ILDR2: variants seen among roughly 807,000 people sequenced by gnomAD.
The protein encoded by ILDR2 is immunoglobulin like domain containing receptor 2.
ILDR2 carries 25 observed loss-of-function variants against 66.8 expected under a neutral mutation model. That is an observed-to-expected ratio of 0.37 (90% CI 0.27 to 0.52). The LOEUF is 0.52. Among genes scored for constraint, ILDR2 ranks in the 20% least tolerant of loss-of-function variants. The pLI is 0.88. For synonymous variants in ILDR2, 367 were observed against 357.2 expected (o/e 1.03, Z -0.31); for missense variants, 827 against 876.8 (o/e 0.94, Z 0.72).
chr1:166,920,927 C>A lies in ILDR2; in HGVS notation c.1664G>T (p.Ser555Ile). 1.4e-6 allele frequency: 2 copies of A among 1,479,938 alleles called. No homozygotes were observed. Among genetic ancestry groups the A allele is most frequent in the Non-Finnish European group, 1.8e-6 (2 of 1,123,024 alleles). 91.7% of individuals were successfully genotyped at this position (1,479,938 alleles called of 1,614,324 possible). Residue 555 changes from serine to isoleucine, a missense_variant, in exon 9 of 10, where the codon AGC becomes ATC. By Grantham distance (142) the Ser-to-Ile change is moderately radical (BLOSUM62 -2). Transcript: ENST00000271417. ...GGCGCTGCGCGGGCCGAGCTGCGCG[C>A]TCCGCTTGGATGGCGTCTCCAGGCT... is the stretch of plus-strand genomic sequence containing the variant. ...GGSLETPSKR[S>I]AQLGPRSASY... is the part of the protein sequence containing the mutation.
chr1:166,901,824 A>G (rs1409486306), intron 2 of ILDR2, among the ~76,000 whole-genome samples: 1 of 152,182 alleles, frequency 6.6e-6, no homozygotes, highest in Non-Finnish European at 1.5e-5. Context: ...CATTCACATT[A>G]CCTCATCCAT....
intron 6 of ILDR2, among the ~76,000 whole-genome samples, chr1:166,930,593 C>T (rs914519819): frequency 1.3e-5 from 2 of 152,192 alleles, no homozygotes; most frequent in Admixed American, 1.3e-4. Context: ...GAATCTGGCT[C>T]TATGTCACAT....
At chr1:166,903,673 G>C (rs1241224512), downstream of ILDR2, among the ~76,000 whole-genome samples, 1 of 152,138 alleles carries the variant, frequency 6.6e-6, no homozygotes, top group Admixed American at 6.5e-5. Flanking sequence ...AAATGATCTA[G>C]GTGATGTTGG....
rs1022454382 is a variant in ILDR2, at chr1:166,918,059, G to A, written c.*1296C>T. The A allele has an allele frequency of 6.6e-6, 1 of 152,196 alleles. No individual in the cohort carries two copies. The highest frequency in any genetic ancestry group is 2.4e-5 in the African/African-American group (1 of 41,446). The allele number at this position is 152,196 out of a possible 1,614,324, so 9.4% of individuals were successfully genotyped here. A position where few individuals can be genotyped will look rare whatever the true frequency, so the allele number is the denominator to read the frequency against. On this transcript the variant is annotated 3_prime_UTR_variant, in exon 10 of 10. Coordinates refer to ENST00000271417, the MANE Select transcript of ILDR2 (RefSeq NM_199351.3). ...GGTTGGAAAAAAGATGGCACCTCTT[G>A]ATGAGAAGGAAAGAGTTCGTGGCCA...
downstream of ILDR2, among the ~76,000 whole-genome samples, chr1:166,905,371 T>A (rs527501980): frequency 6.6e-6 from 1 of 152,326 alleles, no homozygotes; most frequent in Admixed American, 6.5e-5. Context: ...TGTTCAGCAT[T>A]TGGTATGCAC....
intron 2 of ILDR2, among the ~76,000 whole-genome samples, chr1:166,901,180 T>C (rs935672660): frequency 2.0e-5 from 3 of 152,224 alleles, no homozygotes; most frequent in African/African-American, 7.2e-5. Flanking sequence ...CACAAACTAA[T>C]TGAGCATGCC....
chr1:166,959,838 GA>G (rs1662506418), intron 1 of ILDR2, among the ~76,000 whole-genome samples: 1 of 152,110 alleles, frequency 6.6e-6, no homozygotes, highest in African/African-American at 2.4e-5. Context: ...ATGAGAGGCA[GA>G]AAAAACGAAT....
chr1:166,898,860 G>GT (rs1659214312), intron 2 of ILDR2, among the ~76,000 whole-genome samples: 1 of 150,636 alleles, frequency 6.6e-6, no homozygotes, highest in African/African-American at 2.4e-5. Flanking sequence ...GGAGCTCAAA[G>GT]ACCAGCCTGA....
chr1:166,935,324 T>A lies in ILDR2; in HGVS notation c.857A>T (p.Asp286Val). ...ACCACTGTGGCTTCCTCCAGTGGAG[T>A]CACTTGGTGCCAAGGGAGGTGGATG... ...KPHPPPLAPS[D>V]STGGSHSVRK... Residue 286 changes from aspartate to valine, a missense_variant, in exon 6 of 10, where the codon GAC (aspartate) becomes GTC (valine). Physicochemically the swap from Asp to Val is radical, Grantham distance 152 (BLOSUM62 -3). This residue lies in a region of ILDR2 where 437 missense variants were observed against 523.2 expected (regional missense o/e 0.84). Transcript: ENST00000271417. The A allele has an allele frequency of 1.2e-6, 2 of 1,613,374 alleles. No individual in the cohort carries two copies. Among genetic ancestry groups the A allele is most frequent in the African/African-American group, 1.3e-5 (1 of 74,712 alleles).
rs1441002007 is a variant in ILDR2 at position 166,914,301 on chromosome 1, C to T, written c.*5054G>A. ...GCATCAAGTCTACGGCTCTTCTCAC[C>T]AGATGTCTGGCTGTGAAGAGAAACT... On this transcript the variant is annotated 3_prime_UTR_variant, in exon 10 of 10. Coordinates refer to ENST00000271417, the MANE Select transcript of ILDR2 (RefSeq NM_199351.3). 6.6e-6 allele frequency: 1 copy of T among 152,170 alleles called. No homozygotes were observed. Among genetic ancestry groups the T allele is most frequent in the East Asian group, 1.9e-4 (1 of 5,198 alleles). 9.4% of individuals were successfully genotyped at this position (152,170 alleles called of 1,614,324 possible).
In ILDR2 at chr1:166,921,022, T is replaced by A. The variant is rs746549036; in HGVS notation, c.1569A>T (p.Lys523Asn). Residue 523 changes from lysine (K) to asparagine (N), a missense_variant, in exon 9 of 10, where the codon AAA (lysine) becomes AAT (asparagine). This residue lies in a region of ILDR2 where 390 missense variants were observed against 353.6 expected (regional missense o/e 1.10). Coordinates refer to ENST00000271417, the MANE Select transcript of ILDR2 (RefSeq NM_199351.3). The surrounding 1 kb of genome is among the most constrained non-coding windows in gnomAD (Gnocchi z 5.3). ...CGCTGCCCAGGTACGAGTGGTCGTATTTGGGTGCGGTGCCTGGCGTGCGGC... is the reference window on the plus strand; with the variant it reads ...CGCTGCCCAGGTACGAGTGGTCGTAATTGGGTGCGGTGCCTGGCGTGCGGC... ...LVSRTPGTAP[K>N]YDHSYLGSAR... 1 of 1,514,958 alleles carries A rather than the reference T, an allele frequency of 6.6e-7. No homozygotes were observed. Among genetic ancestry groups the A allele is most frequent in the Non-Finnish European group, 8.8e-7 (1 of 1,142,848 alleles). The allele number at this position is 1,514,958 out of a possible 1,614,324, so 93.8% of individuals were successfully genotyped here.
intron 1 of ILDR2, among the ~76,000 whole-genome samples, chr1:166,974,436 G>C (rs866527328): frequency 1.3e-5 from 2 of 152,338 alleles, no homozygotes; most frequent in Middle Eastern, 3.4e-3. Flanking sequence ...GCAGAATGGG[G>C]AGAAAGTTCA....
intron 3 of ILDR2, among the ~76,000 whole-genome samples, chr1:166,954,524 T>A (rs1277383751): frequency 6.6e-6 from 1 of 152,174 alleles, no homozygotes; most frequent in Non-Finnish European, 1.5e-5. Context: ...TTTGAACATC[T>A]CTAATGTTGA....
At chr1:166,941,054 T>C (rs537149740) in intron 3 of ILDR2, among the ~76,000 whole-genome samples, 1 of 152,324 alleles carries the variant, frequency 6.6e-6, no homozygotes, top group African/African-American at 2.4e-5. Flanking sequence ...CACTTTTTCT[T>C]GGCTCTCCTC....
intron 9 of ILDR2, among the ~76,000 whole-genome samples, chr1:166,920,086 G>T (rs1486577567): frequency 6.6e-6 from 1 of 152,170 alleles, no homozygotes; most frequent in Non-Finnish European, 1.5e-5. Context: ...GTCTATATAA[G>T]ACCACTTACA....
At chr1:166,932,947 T>C (rs762452486) in intron 6 of ILDR2, among the ~76,000 whole-genome samples, 7 of 152,214 alleles carry the variant, frequency 4.6e-5, no homozygotes, top group Non-Finnish European at 8.8e-5. Flanking sequence ...CCACCTTTGC[T>C]AAAGGAGGAC....
At chr1:166,927,626 A>G (rs1389140008) in intron 6 of ILDR2, among the ~76,000 whole-genome samples, 3 of 152,238 alleles carry the variant, frequency 2.0e-5, no homozygotes, top group African/African-American at 7.2e-5. Flanking sequence ...CAGATACTCA[A>G]ACATCAAGGG....
chr1:166,950,529 G>A (rs1172655927), intron 3 of ILDR2, among the ~76,000 whole-genome samples: 1 of 152,110 alleles, frequency 6.6e-6, no homozygotes, highest in East Asian at 1.9e-4. Flanking sequence ...GGGTAGGTGT[G>A]GGGGCATTTC....
At position 166,909,990 on chromosome 1, in the gene ILDR2, T is replaced by C. The variant is rs998070623; in HGVS notation, c.*9365A>G. ...ACATGTCTGGAATTTTCTCCTCTGC[T>C]TGGTTTTTAGAGACAGTGAGAGAGA... is the stretch of plus-strand genomic sequence containing the variant. On this transcript the variant is annotated 3_prime_UTR_variant, in exon 10 of 10. Coordinates refer to ENST00000271417, the MANE Select transcript of ILDR2 (RefSeq NM_199351.3). 6.6e-6 allele frequency: 1 copy of C among 151,628 alleles called. No homozygotes were observed. The highest frequency in any genetic ancestry group is 6.6e-5 in the Admixed American group (1 of 15,222). 9.4% of individuals were successfully genotyped at this position (151,628 alleles called of 1,614,324 possible). A position where few individuals can be genotyped will look rare whatever the true frequency, so the allele number is the denominator to read the frequency against.
Sources: gnomAD v4.1 joint callset for allele counts (sites outside exome capture counted in the v4.1 genomes callset) on GRCh38, gnomAD v4.1.1 for gene constraint, gnomAD v4.1.1 regional missense constraint, Gnocchi (gnomAD v3.1) non-coding constraint, MANE v1.5 for transcripts, NCBI Gene and HGNC (gene_info 2026-07-23, HGNC 2026-07-21) for gene names.